FAM120C: variants seen among roughly 807,000 people sequenced by gnomAD.
The protein encoded by FAM120C is constitutive coactivator of PPAR-gamma-like protein 2.
In FAM120C, 14 loss-of-function variants were observed where a neutral mutation model predicts 71.2. The ratio of observed to expected loss-of-function variants is 0.20; its 90% CI spans 0.13 to 0.31. FAM120C has a LOEUF of 0.31. Ranked by LOEUF, FAM120C falls within the 10% of genes least tolerant of loss-of-function variation. FAM120C has a pLI of 1.00. For missense variants in FAM120C, 500 were observed against 879.0 expected (o/e 0.57, Z 5.45); for synonymous variants, 354 against 353.2 (o/e 1.00, Z -0.03).
At chrX:54,126,580 T>C (rs1557127990) in intron 9 of FAM120C, among the ~76,000 whole-genome samples, 1 of 112,592 alleles carries the variant, frequency 8.9e-6, no homozygotes, top group African/African-American at 3.2e-5. Context: ...GTAGGTTCTT[T>C]GTAGATGTTC....
intron 1 of FAM120C, among the ~76,000 whole-genome samples, chrX:54,167,785 T>C (rs782534613): frequency 5.2e-5 from 5 of 96,171 alleles, no homozygotes; most frequent in African/African-American, 2.2e-4. Context: ...GCCAATATGG[T>C]GAAACCCCGT....
chrX:54,147,086 C>T (rs1289149875), intron 4 of FAM120C, among the ~76,000 whole-genome samples: 3 of 109,536 alleles, frequency 2.7e-5, no homozygotes, highest in Admixed American at 9.9e-5. Context: ...GAGGCCGAGG[C>T]GGACGGATCA....
intron 7 of FAM120C, 115 bp from the exon 8 acceptor site, chrX:54,134,161 C>A: frequency 1.4e-6 from 1 of 737,436 alleles, no homozygotes; most frequent in Admixed American, 3.2e-5. Context: ...GAGGGCAGGA[C>A]ACTGGGTTAG....
chrX:54,082,508 A>C (rs1190083035), intron 13 of FAM120C, among the ~76,000 whole-genome samples: 2 of 110,074 alleles, frequency 1.8e-5, no homozygotes, highest in Non-Finnish European at 3.8e-5. Flanking sequence ...TCCCAGGTTC[A>C]AGTGATTCTC....
intron 10 of FAM120C, among the ~76,000 whole-genome samples, chrX:54,113,283 GA>G (rs2066947901): frequency 9.3e-6 from 1 of 107,927 alleles, no homozygotes; most frequent in South Asian, 4.1e-4. Context: ...CCAACATGGT[GA>G]AACCCCATCT....
In FAM120C at chrX:54,100,301, C is replaced by A. The variant is rs1310400549; in HGVS notation, c.2313-8875G>T. Among the ~76,000 whole-genome samples the A allele has an allele frequency of 2.7e-5, 3 of 111,399 alleles. No individual in the cohort carries two copies. The East Asian group carries it at 8.4e-4, about 31-fold the overall frequency. ...GGTCAGGAGACGGAGACCATCCTGG[C>A]TAACACGGTGAAACCCCATCTCTAC... On this transcript the variant is annotated intron_variant, in intron 10 of 15. Coordinates refer to ENST00000375180, the MANE Select transcript of FAM120C (RefSeq NM_017848.6).
At chrX:54,140,893 T>C (rs1412764645) in intron 4 of FAM120C, among the ~76,000 whole-genome samples, 5 of 104,714 alleles carry the variant, frequency 4.8e-5, no homozygotes, top group African/African-American at 1.4e-4. Flanking sequence ...TGAGCCAAGA[T>C]TGTGTCACTG....
Position 54,073,170 on chromosome X carries a change from C to G in FAM120C, c.3154G>C (p.Ala1052Pro), listed in dbSNP as rs1409986515. The G allele has an allele frequency of 8.3e-7, 1 of 1,211,456 alleles. No homozygotes were observed. The highest frequency in any genetic ancestry group is 2.2e-5 in the Admixed American group (1 of 45,932). Residue 1052 changes from alanine to proline, a missense_variant, in exon 16 of 16, where the codon GCT (alanine) becomes CCT (proline). Transcript: ENST00000375180. ...CTGGATAAGGCACATTGTGATGGAG[C>G]TGGAAGACGATGATCACTCTTCTCT... ...KEEKSDHRLP[A>P]PSQCALSRDS...
intron 10 of FAM120C, 71 bp downstream of exon 10, chrX:54,116,474 G>T (rs2066968481): frequency 4.6e-6 from 5 of 1,093,430 alleles, no homozygotes; most frequent in Non-Finnish European, 6.1e-6. Flanking sequence ...TACCATAAAA[G>T]CAGGTGCTTA....
At chrX:54,077,150 C>T (rs1557120759) in intron 15 of FAM120C, among the ~76,000 whole-genome samples, 1 of 111,051 alleles carries the variant, frequency 9.0e-6, no homozygotes, top group African/African-American at 3.3e-5. Context: ...CAAGGCCTCT[C>T]TTGTAGCTTG....
chrX:54,140,372 AC>A (rs1418888796), intron 4 of FAM120C, among the ~76,000 whole-genome samples: 1 of 109,583 alleles, frequency 9.1e-6, no homozygotes, highest in African/African-American at 3.3e-5. Flanking sequence ...TAATCCCAGC[AC>A]TTTGGTAAGC....
At chrX:54,140,958 AAG>A (rs1457499088) in intron 4 of FAM120C, among the ~76,000 whole-genome samples, 3 of 110,724 alleles carry the variant, frequency 2.7e-5, no homozygotes, top group Non-Finnish European at 5.7e-5. Context: ...AAAAAAAAGA[AAG>A]AAAGAAAAAG....
intron 1 of FAM120C, among the ~76,000 whole-genome samples, chrX:54,181,453 C>T (rs1557137376): frequency 8.9e-6 from 1 of 112,068 alleles, no homozygotes; most frequent in Non-Finnish European, 1.9e-5. Flanking sequence ...GGGAAAGCAA[C>T]AGAGCAGCAG....
In FAM120C at chrX:54,182,910, C is replaced by T; in HGVS notation, c.289G>A (p.Ala97Thr). ...PAHHFHHHGQ[A>T]QPGLHPPLPP... ...AGCGGAGGGTGCAGCCCGGGCTGCG[C>T]TTGGCCATGATGGTGGAAGTGGTGA... Residue 97 changes from alanine (A) to threonine (T), a missense_variant, in exon 1 of 16, where the codon GCG (alanine) becomes ACG (threonine). Ala to Thr is a moderately conservative substitution (Grantham distance 58, BLOSUM62 0). Coordinates refer to ENST00000375180, the MANE Select transcript of FAM120C (RefSeq NM_017848.6). The T allele has an allele frequency of 8.7e-7, 1 of 1,154,718 alleles. No individual in the cohort carries two copies. Among genetic ancestry groups the T allele is most frequent in the Non-Finnish European group, 1.2e-6 (1 of 868,650 alleles).
chrX:54,110,781 C>T (rs1424202890), intron 10 of FAM120C, among the ~76,000 whole-genome samples: 2 of 110,099 alleles, frequency 1.8e-5, no homozygotes, highest in African/African-American at 3.3e-5. Context: ...TGGGCATGGC[C>T]GGGTGCAGTG....
intron 9 of FAM120C, 143 bp from the exon 10 acceptor site, chrX:54,116,937 A>G: frequency 1.4e-6 from 1 of 698,241 alleles, no homozygotes; most frequent in Non-Finnish European, 2.1e-6. Context: ...CAGCAGGAAT[A>G]GTACACGTTT....
intron 10 of FAM120C, among the ~76,000 whole-genome samples, chrX:54,099,769 T>C (rs902257304): frequency 5.3e-5 from 6 of 112,560 alleles, no homozygotes; most frequent in Non-Finnish European, 9.4e-5. Context: ...CAAAAATTAA[T>C]TGACCACAAA....
Position 54,151,327 on chromosome X carries a change from T to C in FAM120C, c.1076A>G (p.Lys359Arg). 8.3e-7 allele frequency: 1 copy of C among 1,210,666 alleles called. No homozygotes were observed. Among genetic ancestry groups the C allele is most frequent in the Non-Finnish European group, 1.1e-6 (1 of 895,121 alleles). Residue 359 changes from lysine to arginine, a missense_variant, in exon 4 of 16, where the codon AAG (lysine) becomes AGG (arginine). By Grantham distance (26) the Lys-to-Arg change is conservative. Coordinates refer to ENST00000375180, the MANE Select transcript of FAM120C (RefSeq NM_017848.6). ...GGAACTGACATACTCAGAAACAGCC[T>C]TGATCACCACGTCACAGGGAGGAAG... ...LVLPPCDVVI[K>R]AVSEYVSSIK...
chrX:54,093,418 A>G (rs193111520), intron 10 of FAM120C, among the ~76,000 whole-genome samples: 60 of 112,053 alleles, frequency 5.4e-4, no homozygotes, highest in African/African-American at 1.9e-3. Flanking sequence ...TACCTTGGAG[A>G]ATCTAGAGAA....
Sources: gnomAD v4.1 joint callset for allele counts (sites outside exome capture counted in the v4.1 genomes callset) on GRCh38, gnomAD v4.1.1 for gene constraint, MANE v1.5 for transcripts, NCBI Gene and HGNC (gene_info 2026-07-23, HGNC 2026-07-21) for gene names.